The following EFNA5 variants were observed in gnomAD, a reference collection of about 807,000 sequenced individuals.
The protein encoded by EFNA5 is ephrin-A5.
EFNA5 carries 5 observed loss-of-function variants against 22.9 expected under a neutral mutation model. The observed-to-expected ratio is 0.22, with a 90% CI of 0.11 to 0.46. The LOEUF (loss-of-function observed/expected upper bound fraction) is 0.46, where lower values mean the gene tolerates loss of function less well. Ranked by LOEUF, EFNA5 falls within the 20% of genes least tolerant of loss-of-function variation. EFNA5 has a pLI of 0.99. For missense variants in EFNA5, 237 were observed against 293.3 expected (o/e 0.81, Z 1.40); for synonymous variants, 113 against 112.2 (o/e 1.01, Z -0.04).
chr5:107,624,996 G>A (rs771048560), intron 1 of EFNA5, among the ~76,000 whole-genome samples: 1 of 152,146 alleles, frequency 6.6e-6, no homozygotes, highest in East Asian at 1.9e-4. Flanking sequence ...GTAGCTTTCT[G>A]TGTTTTTATC....
intron 4 of EFNA5, among the ~76,000 whole-genome samples, chr5:107,385,528 C>T (rs1747591634): frequency 6.6e-6 from 1 of 152,140 alleles, no homozygotes; most frequent in Non-Finnish European, 1.5e-5. Context: ...GACTTAAGTC[C>T]TCTTTATGAA....
chr5:107,519,317 T>C (rs1261647360), intron 1 of EFNA5, among the ~76,000 whole-genome samples: 4 of 152,234 alleles, frequency 2.6e-5, no homozygotes, highest in Admixed American at 2.0e-4. Context: ...TGTGCTGAAA[T>C]GTAGATTTTT....
At chr5:107,497,683 T>A (rs554031609) in intron 1 of EFNA5, among the ~76,000 whole-genome samples, 1 of 152,220 alleles carries the variant, frequency 6.6e-6, no homozygotes, top group African/African-American at 2.4e-5. Flanking sequence ...GACCATTACA[T>A]AACACGCAGG....
intron 1 of EFNA5, among the ~76,000 whole-genome samples, chr5:107,584,320 G>A (rs544706765): frequency 3.0e-4 from 45 of 152,204 alleles, no homozygotes; most frequent in Middle Eastern, 3.4e-3. Flanking sequence ...CTAAACCAAC[G>A]GCCTCTAAAC....
At position 107,397,236 on chromosome 5, in the gene EFNA5, G is replaced by A. The variant is rs138759290; in HGVS notation, c.419-9465C>T. Among the ~76,000 whole-genome samples the A allele has an allele frequency of 4.6e-3, 693 of 152,260 alleles. 1 individual carries two copies. Among genetic ancestry groups the A allele is most frequent in the Non-Finnish European group, 6.0e-3 (405 of 68,014 alleles). ...AGTGCACTCCAGCCCTGTCGGCAGG[G>A]TGAGACCCTGTCTCTAATAAGAAAA... On this transcript the variant is annotated intron_variant, in intron 2 of 4. Transcript: ENST00000333274.
At chr5:107,421,598 A>G (rs1748667589) in intron 2 of EFNA5, among the ~76,000 whole-genome samples, 1 of 152,212 alleles carries the variant, frequency 6.6e-6, no homozygotes, top group Non-Finnish European at 1.5e-5. Flanking sequence ...AGAGGAAAAA[A>G]TGCAGAAATA....
rs1272305053 is a variant in EFNA5, at chr5:107,638,829, CACACACACATAT to C, written c.125+31648_125+31659del. 2.2e-3 allele frequency among the ~76,000 whole-genome samples: 335 copies of C among 152,218 alleles called. 1 individual carries two copies. Among genetic ancestry groups the C allele is most frequent in the African/African-American group, 7.9e-3 (327 of 41,546 alleles). ...AGCGTTCTCACTATACACACACATA[CACACACACATAT>C]ACACACACAAAAAAATAAGTATGTG... On this transcript the variant is annotated intron_variant, in intron 1 of 4. Transcript: ENST00000333274.
chr5:107,404,909 G>A (rs1452101735), intron 2 of EFNA5, among the ~76,000 whole-genome samples: 2 of 152,082 alleles, frequency 1.3e-5, no homozygotes, highest in Non-Finnish European at 2.9e-5. Context: ...GCAGAGACAT[G>A]CCCTATGCAT....
In EFNA5 at chr5:107,579,672, C is replaced by T. The variant is rs144152226; in HGVS notation, c.125+90817G>A. ...TGAATAATAGAAATGAGCAACATGA[C>T]TTGATAATTTCAGTTCAAAAAAAGC... is the stretch of plus-strand genomic sequence containing the variant. On this transcript the variant is annotated intron_variant, in intron 1 of 4. Transcript: ENST00000333274. Among the ~76,000 whole-genome samples the T allele has an allele frequency of 7.4e-4, 113 of 152,152 alleles. 1 individual carries two copies. Among genetic ancestry groups the T allele is most frequent in the Admixed American group, 1.2e-3 (19 of 15,292 alleles).
chr5:107,645,097 A>G (rs759700596), intron 1 of EFNA5, among the ~76,000 whole-genome samples: 6 of 152,206 alleles, frequency 3.9e-5, no homozygotes, highest in Non-Finnish European at 7.3e-5. Flanking sequence ...GCACCTATCA[A>G]TCCATCACCT....
intron 2 of EFNA5, among the ~76,000 whole-genome samples, chr5:107,393,993 CAA>C (rs1286648300): frequency 5.9e-5 from 9 of 152,276 alleles, no homozygotes; most frequent in Non-Finnish European, 1.0e-4. Context: ...CTTGTTAAAA[CAA>C]AAGTTAGGCC....
At chr5:107,656,878 G>T (rs1007933930) in intron 1 of EFNA5, among the ~76,000 whole-genome samples, 5 of 152,032 alleles carry the variant, frequency 3.3e-5, no homozygotes, top group African/African-American at 1.2e-4. Flanking sequence ...AATTTTAACA[G>T]ACAAGTGACA....
intron 1 of EFNA5, among the ~76,000 whole-genome samples, chr5:107,590,975 T>C (rs1165060055): frequency 6.6e-6 from 1 of 152,186 alleles, no homozygotes; most frequent in East Asian, 1.9e-4. Flanking sequence ...GAGGGGAGTG[T>C]ATGTGTGAAG....
chr5:107,464,450 T>C (rs1749922912), intron 1 of EFNA5, among the ~76,000 whole-genome samples: 1 of 152,154 alleles, frequency 6.6e-6, no homozygotes, highest in South Asian at 2.1e-4. Flanking sequence ...CAAAATCGAT[T>C]GTTGTGTACA....
chr5:107,438,245 A>G (rs1394063213), intron 1 of EFNA5, among the ~76,000 whole-genome samples: 1 of 152,180 alleles, frequency 6.6e-6, no homozygotes, highest in Admixed American at 6.5e-5. Context: ...GCCTCCTGAA[A>G]CAAGACTCAC....
At chr5:107,658,289 T>C (rs934641367) in intron 1 of EFNA5, among the ~76,000 whole-genome samples, 4 of 152,258 alleles carry the variant, frequency 2.6e-5, no homozygotes, top group Admixed American at 2.0e-4. Flanking sequence ...ATAAAATACA[T>C]CTTGGGAGGG....
intron 2 of EFNA5, among the ~76,000 whole-genome samples, chr5:107,425,651 A>T (rs1379350926): frequency 6.6e-6 from 1 of 152,172 alleles, no homozygotes; most frequent in South Asian, 2.1e-4. Flanking sequence ...AGGCTTTTGC[A>T]TGTTTTCTCA....
intron 1 of EFNA5, among the ~76,000 whole-genome samples, chr5:107,515,349 TTTTA>T (rs1204125523): frequency 1.5e-5 from 2 of 133,782 alleles, no homozygotes; most frequent in Non-Finnish European, 3.1e-5. Context: ...AAGACATGGT[TTTTA>T]TTTTTTATTT....
chr5:107,413,385 C>A (rs763331511), intron 2 of EFNA5, among the ~76,000 whole-genome samples: 1 of 152,074 alleles, frequency 6.6e-6, no homozygotes, highest in Non-Finnish European at 1.5e-5. Flanking sequence ...AAATTGACTC[C>A]ATTTTCATCA....
Sources: allele counts gnomAD v4.1 joint callset (sites outside exome capture counted in the v4.1 genomes callset), GRCh38; gene constraint gnomAD v4.1.1; transcripts MANE v1.5; gene names NCBI Gene and HGNC (gene_info 2026-07-23, HGNC 2026-07-21).